The following ADAMTSL1 variants were observed in gnomAD, a reference collection of about 807,000 sequenced individuals.
ADAMTSL1 encodes ADAMTS like 1.
In ADAMTSL1, 126 loss-of-function variants were observed where a neutral mutation model predicts 201.8. That is an observed-to-expected ratio of 0.62 (90% CI 0.54 to 0.72). The LOEUF is 0.72. Ranked by LOEUF, ADAMTSL1 falls within the 30% of genes least tolerant of loss-of-function variation. The pLI, the probability that ADAMTSL1 is intolerant of heterozygous loss-of-function variation, is 0.00. For synonymous variants in ADAMTSL1, 1,121 were observed against 903.4 expected (o/e 1.24, Z -4.32); for missense variants, 2,679 against 2,277.8 (o/e 1.18, Z -3.59).
At position 17,982,567 on chromosome 9, in the gene ADAMTSL1, G is replaced by A. The variant is rs1188502184; in HGVS notation, c.87+75645G>A. ...GTGGAAGTTGCAGTAAGCCGAGATC[G>A]TGCCACTGCACTCCAGCCTGGGTGA... On this transcript the variant is annotated intron_variant, in intron 1 of 29. Coordinates refer to the ADAMTSL1 transcript ENST00000680146. 5.3e-5 allele frequency among the ~76,000 whole-genome samples: 8 copies of A among 152,060 alleles called. No individual in the cohort carries two copies. In the East Asian group the frequency reaches 7.7e-4, roughly 15 times the overall value.
At chr9:18,028,057 G>A (rs1820775920) in intron 1 of ADAMTSL1, among the ~76,000 whole-genome samples, 1 of 152,020 alleles carries the variant, frequency 6.6e-6, no homozygotes, top group South Asian at 2.1e-4. Context: ...TTTTCCGTTT[G>A]TGTAATCTTT....
intron 2 of ADAMTSL1, among the ~76,000 whole-genome samples, chr9:18,195,414 C>T (rs899028786): frequency 6.6e-6 from 1 of 152,080 alleles, no homozygotes; most frequent in Non-Finnish European, 1.5e-5. Flanking sequence ...TCCTAAAAGA[C>T]AGGTTATTGT....
At chr9:18,064,569 T>C (rs1822608217) in intron 1 of ADAMTSL1, among the ~76,000 whole-genome samples, 1 of 152,162 alleles carries the variant, frequency 6.6e-6, no homozygotes, top group African/African-American at 2.4e-5. Context: ...GTATAAGGTG[T>C]TTGAGAGCAG....
intron 4 of ADAMTSL1, among the ~76,000 whole-genome samples, chr9:18,620,869 C>G (rs1564094716): frequency 6.6e-6 from 1 of 152,076 alleles, no homozygotes; most frequent in Non-Finnish European, 1.5e-5. Flanking sequence ...CGTTCATTTG[C>G]TATTAATGAA....
At chr9:18,758,071 A>C (rs1819873619) in intron 16 of ADAMTSL1, among the ~76,000 whole-genome samples, 1 of 152,204 alleles carries the variant, frequency 6.6e-6, no homozygotes, top group African/African-American at 2.4e-5. Context: ...CTTAATAGGA[A>C]TTTGAACATT....
intron 2 of ADAMTSL1, among the ~76,000 whole-genome samples, chr9:18,265,993 C>A (rs1291891231): frequency 1.3e-5 from 2 of 151,876 alleles, no homozygotes; most frequent in Non-Finnish European, 2.9e-5. Context: ...CATGGAATAA[C>A]TTTAATTTAA....
intron 2 of ADAMTSL1, among the ~76,000 whole-genome samples, chr9:18,391,178 A>T (rs1003114578): frequency 2.0e-5 from 3 of 152,174 alleles, no homozygotes; most frequent in African/African-American, 7.2e-5. Context: ...CACTGGGGAC[A>T]CTTTTGATAC....
chr9:17,907,549 C>G (rs1018098424), intron 1 of ADAMTSL1, among the ~76,000 whole-genome samples: 2 of 152,138 alleles, frequency 1.3e-5, no homozygotes, highest in African/African-American at 4.8e-5. Flanking sequence ...ATACCCCCTC[C>G]GAATCCTCCC....
At chr9:18,296,201 A>T (rs973920907) in intron 2 of ADAMTSL1, among the ~76,000 whole-genome samples, 18 of 152,348 alleles carry the variant, frequency 1.2e-4, no homozygotes, top group African/African-American at 4.3e-4. Context: ...GCAAGTCAAG[A>T]TCTTTAAAAA....
intron 2 of ADAMTSL1, among the ~76,000 whole-genome samples, chr9:18,508,657 G>T (rs1817826458): frequency 6.6e-6 from 1 of 152,220 alleles, no homozygotes; most frequent in South Asian, 2.1e-4. Context: ...GAGACACCTA[G>T]CATTCATTAA....
rs116093185 is a variant in ADAMTSL1 at position 17,951,962 on chromosome 9, G to C, written c.87+45040G>C. Among the ~76,000 whole-genome samples, 701 of 151,818 alleles carry C rather than the reference G, an allele frequency of 4.6e-3. 8 individuals carry two copies. The highest frequency in any genetic ancestry group is 0.016 in the African/African-American group (654 of 41,404). ...ACCACAGGCATGCACCATCTTGCCC[G>C]GCTAATTTTTTGATTTTTTGTAGAG... is the stretch of plus-strand genomic sequence containing the variant. On this transcript the variant is annotated intron_variant, in intron 1 of 29. Coordinates refer to the ADAMTSL1 transcript ENST00000680146.
At chr9:18,640,519 A>C (rs1468567251) in intron 7 of ADAMTSL1, among the ~76,000 whole-genome samples, 1 of 152,082 alleles carries the variant, frequency 6.6e-6, no homozygotes, top group African/African-American at 2.4e-5. Context: ...CTTACATTGG[A>C]ACAGCTCACA....
intron 2 of ADAMTSL1, among the ~76,000 whole-genome samples, chr9:18,517,454 C>T (rs559630364): frequency 1.3e-5 from 2 of 151,150 alleles, no homozygotes; most frequent in South Asian, 2.1e-4. Context: ...TTTTAGGATA[C>T]ATGTGCACAT....
chr9:18,604,302 A>G (rs1824865538), intron 4 of ADAMTSL1, among the ~76,000 whole-genome samples: 1 of 152,244 alleles, frequency 6.6e-6, no homozygotes, highest in South Asian at 2.1e-4. Flanking sequence ...AGCACAAAGC[A>G]AGGAGGCTTG....
intron 2 of ADAMTSL1, among the ~76,000 whole-genome samples, chr9:18,521,957 G>T (rs1432959890): frequency 6.6e-6 from 1 of 152,138 alleles, no homozygotes; most frequent in Non-Finnish European, 1.5e-5. Context: ...ACAGACTCCA[G>T]TTCTAGTCCC....
chr9:18,630,427 G>A (rs1307501098), intron 5 of ADAMTSL1, among the ~76,000 whole-genome samples: 1 of 152,136 alleles, frequency 6.6e-6, no homozygotes, highest in African/African-American at 2.4e-5. Context: ...AAACCCTCTT[G>A]GGTGTCCAGA....
In ADAMTSL1 at chr9:18,328,260, C is replaced by A. The variant is rs150001943; in HGVS notation, c.207+164279C>A. ...GTTCTCAGCCGAATATAATGACCCG[C>A]AGTTCTTATTATATGTATGTTTAAT... On this transcript the variant is annotated intron_variant, in intron 2 of 29. Transcript: ENST00000680146. 3.2e-4 allele frequency among the ~76,000 whole-genome samples: 49 copies of A among 152,310 alleles called. No homozygotes were observed. In the East Asian group the frequency reaches 9.3e-3, roughly 29 times the overall value.
chr9:18,821,996 C>T (rs774527243), intron 21 of ADAMTSL1, among the ~76,000 whole-genome samples: 8 of 152,154 alleles, frequency 5.3e-5, no homozygotes, highest in Non-Finnish European at 1.0e-4. Flanking sequence ...TATGACTAAG[C>T]TCTTTTACTG....
rs1472304462 is a variant in ADAMTSL1, at chr9:18,711,358, C to A, written c.1876+4310C>A. Among the ~76,000 whole-genome samples, 6 of 152,256 alleles carry A rather than the reference C, an allele frequency of 3.9e-5. No homozygotes were observed. In the East Asian group the frequency reaches 1.2e-3, roughly 29 times the overall value. ...ACTGGGTTCATCTCACTAGGGAGTG[C>A]CAGACAGTGGGCGCAGGTCAGTGGG... On this transcript the variant is annotated intron_variant, in intron 14 of 28. Coordinates refer to ENST00000380548, the MANE Select transcript of ADAMTSL1 (RefSeq NM_001040272.6).
Sources: allele counts gnomAD v4.1 joint callset (sites outside exome capture counted in the v4.1 genomes callset), GRCh38; gene constraint gnomAD v4.1.1; transcripts MANE v1.5; gene names NCBI Gene and HGNC (gene_info 2026-07-23, HGNC 2026-07-21).